The following FGF13 variants were observed in gnomAD, a reference collection of about 807,000 sequenced individuals.
The protein encoded by FGF13 is fibroblast growth factor homologous factor 2.
Under a neutral mutation model 19.5 loss-of-function variants are expected in FGF13, and 2 were observed. The ratio of observed to expected loss-of-function variants is 0.10; its 90% CI spans 0.04 to 0.32. The LOEUF (loss-of-function observed/expected upper bound fraction) is 0.32, where lower values mean the gene tolerates loss of function less well. Ranked by LOEUF, FGF13 falls within the 10% of genes least tolerant of loss-of-function variation. The probability of loss-of-function intolerance (pLI) is 1.00; values close to 1 mark genes in which losing one functional copy is unlikely to be tolerated. For missense variants in FGF13, 113 were observed against 192.7 expected, an observed-to-expected ratio of 0.59 and a Z score of 2.45; for synonymous variants, 72 against 76.9, an observed-to-expected ratio of 0.94 and a Z score of 0.33.
chrX:139,044,696 C>T (rs1437237944), intron 1 of FGF13, among the ~76,000 whole-genome samples: 2 of 111,370 alleles, frequency 1.8e-5, no homozygotes, highest in Non-Finnish European at 3.8e-5. Context: ...AGTTCAAAAT[C>T]CAGCAAGGAA....
At chrX:138,820,406 A>G (rs1026305293) in intron 3 of FGF13, among the ~76,000 whole-genome samples, 2 of 112,218 alleles carry the variant, frequency 1.8e-5, no homozygotes, top group African/African-American at 6.5e-5. Context: ...CCTCTAGGAC[A>G]TAGGTAGCCA....
intron 3 of FGF13, among the ~76,000 whole-genome samples, chrX:138,778,787 C>T (rs973221242): frequency 3.6e-5 from 4 of 112,464 alleles, no homozygotes; most frequent in Admixed American, 9.3e-5. Flanking sequence ...CAAAGCAGCC[C>T]GGAAGCTCGA....
intron 1 of FGF13, among the ~76,000 whole-genome samples, chrX:139,104,982 G>T (rs1286885446): frequency 9.1e-6 from 1 of 109,667 alleles, no homozygotes; most frequent in Non-Finnish European, 1.9e-5. Context: ...GCCTGCAACT[G>T]TGTCCTTTAT....
At chrX:138,950,819 C>G (rs1345528603) in intron 1 of FGF13, among the ~76,000 whole-genome samples, 2 of 110,962 alleles carry the variant, frequency 1.8e-5, no homozygotes. Context: ...TAGCCTACCC[C>G]TTCTTAATGG....
At chrX:138,907,580 G>A (rs1161367629) in intron 1 of FGF13, among the ~76,000 whole-genome samples, 3 of 111,716 alleles carry the variant, frequency 2.7e-5, no homozygotes, top group Non-Finnish European at 5.6e-5. Flanking sequence ...GCTGGGATGA[G>A]CACAGGCAGA....
chrX:138,794,999 G>C (rs1198458257), intron 3 of FGF13, among the ~76,000 whole-genome samples: 1 of 112,068 alleles, frequency 8.9e-6, no homozygotes, highest in East Asian at 2.8e-4. Flanking sequence ...ATCCAAGTGA[G>C]GTTTTATTCA....
At chrX:139,001,591 TCTC>T (rs2092073716) in intron 1 of FGF13, among the ~76,000 whole-genome samples, 1 of 111,522 alleles carries the variant, frequency 9.0e-6, no homozygotes, top group Admixed American at 9.5e-5. Context: ...AGGAAAAAAT[TCTC>T]ATCATCACTG....
At chrX:139,160,650 A>G (rs759905564) in intron 1 of FGF13, among the ~76,000 whole-genome samples, 1 of 112,270 alleles carries the variant, frequency 8.9e-6, no homozygotes, top group East Asian at 2.8e-4. Flanking sequence ...ACAATAAAAA[A>G]TGATAAACGG....
At chrX:138,710,748 T>A in intron 1 of FGF13, 69 bp downstream of exon 1, 2 of 1,184,359 alleles carry the variant, frequency 1.7e-6, no homozygotes, top group Non-Finnish European at 2.3e-6. Context: ...CTATGCTACA[T>A]ACCTGCTCCC....
chrX:138,686,602 T>G (rs753889653), intron 3 of FGF13, among the ~76,000 whole-genome samples: 1 of 112,061 alleles, frequency 8.9e-6, no homozygotes, highest in East Asian at 2.8e-4. Context: ...TACAGAGATC[T>G]TAATATACTT....
chrX:138,660,289 T>C (rs952382187), intron 3 of FGF13, among the ~76,000 whole-genome samples: 8 of 111,699 alleles, frequency 7.2e-5, no homozygotes, highest in African/African-American at 2.3e-4. Context: ...AAGTGAAATG[T>C]TGTAGCCTTT....
At chrX:139,119,154 A>G (rs766656345) in intron 1 of FGF13, among the ~76,000 whole-genome samples, 1 of 112,066 alleles carries the variant, frequency 8.9e-6, no homozygotes, top group Non-Finnish European at 1.9e-5. Context: ...TGATTGTGCC[A>G]CTGCACTCCC....
intron 3 of FGF13, among the ~76,000 whole-genome samples, chrX:138,750,161 T>G (rs963887323): frequency 3.6e-5 from 4 of 111,223 alleles, no homozygotes; most frequent in Non-Finnish European, 7.5e-5. Flanking sequence ...CAAAGAGTAT[T>G]CTAGGGCTTC....
At chrX:138,700,965 T>C (rs2089940553) in intron 3 of FGF13, among the ~76,000 whole-genome samples, 1 of 112,155 alleles carries the variant, frequency 8.9e-6, no homozygotes, top group Admixed American at 9.5e-5. Context: ...ATTTGAATGG[T>C]AGGCTATGCA....
intron 1 of FGF13, among the ~76,000 whole-genome samples, chrX:138,919,997 TC>T (rs780342109): frequency 9.0e-6 from 1 of 111,221 alleles, no homozygotes; most frequent in South Asian, 3.8e-4. Context: ...TTTGCAATCT[TC>T]TGTGAATTTA....
intron 1 of FGF13, among the ~76,000 whole-genome samples, chrX:138,977,473 G>A (rs2091944171): frequency 8.9e-6 from 1 of 112,206 alleles, no homozygotes; most frequent in African/African-American, 3.2e-5. Context: ...TTCCTCACAT[G>A]AAAATAATGT....
chrX:138,644,851 G>T (rs1242222830), intron 3 of FGF13, among the ~76,000 whole-genome samples: 1 of 112,111 alleles, frequency 8.9e-6, no homozygotes, highest in East Asian at 2.8e-4. Flanking sequence ...CCAAGGATTT[G>T]AATGGATGAG....
chrX:138,816,890 C>T (rs986561530), intron 3 of FGF13, among the ~76,000 whole-genome samples: 3 of 112,085 alleles, frequency 2.7e-5, no homozygotes, highest in Non-Finnish European at 5.6e-5. Context: ...CTAAGGAGAC[C>T]TTCATCTGCT....
chrX:138,865,038 G>C (rs1338300734), intron 1 of FGF13, among the ~76,000 whole-genome samples: 1 of 111,898 alleles, frequency 8.9e-6, no homozygotes, highest in Non-Finnish European at 1.9e-5. Context: ...GGTGGTTTGG[G>C]CTGGAACTTG....
Sources: gnomAD v4.1 joint callset for allele counts (sites outside exome capture counted in the v4.1 genomes callset) on GRCh38, gnomAD v4.1.1 for gene constraint, MANE v1.5 for transcripts, NCBI Gene and HGNC (gene_info 2026-07-23, HGNC 2026-07-21) for gene names.